The following PITPNA variants were observed in gnomAD, a reference collection of about 807,000 sequenced individuals.
PITPNA encodes the protein phosphatidylinositol transfer protein alpha.
In PITPNA, 13 loss-of-function variants were observed where a neutral mutation model predicts 50.3. The ratio of observed to expected loss-of-function variants is 0.26; its 90% confidence interval spans 0.17 to 0.41. The LOEUF (loss-of-function observed/expected upper bound fraction) is 0.41. Ranked by LOEUF, PITPNA falls within the 10% of genes least tolerant of loss-of-function variation. The pLI is 1.00. For missense variants in PITPNA, 207 were observed against 333.4 expected (o/e 0.62, Z 2.95); for synonymous variants, 120 against 119.6 (o/e 1.00, Z -0.02).
intron 10 of PITPNA, among the ~76,000 whole-genome samples, chr17:1,526,230 C>T: frequency 6.6e-6 from 1 of 152,224 alleles, no homozygotes; most frequent in East Asian, 1.9e-4. Flanking sequence ...CATGCAGAAA[C>T]ATCAACGAAT....
intron 10 of PITPNA, among the ~76,000 whole-genome samples, chr17:1,523,588 A>G (rs1270175123): frequency 6.7e-6 from 1 of 148,290 alleles, no homozygotes; most frequent in East Asian, 2.0e-4. Flanking sequence ...GCTCACTGCA[A>G]TCTCTGCCTC....
intron 1 of PITPNA, chr17:1,561,133 G>GCA (rs142203668): frequency 0.057 from 8,528 of 150,594 alleles, 765 homozygotes; most frequent in African/African-American, 0.19. Flanking sequence ...ACACGCACAC[G>GCA]CACACACACA....
intron 7 of PITPNA, among the ~76,000 whole-genome samples, chr17:1,537,378 T>C (rs1390824025): frequency 2.0e-5 from 3 of 151,858 alleles, no homozygotes; most frequent in Admixed American, 6.6e-5. Flanking sequence ...TTTGTATTTT[T>C]AGTAGAGACG....
chr17:1,558,126 G>C lies in PITPNA; in HGVS notation c.51+403C>G, dbSNP rs140361924. 2.6e-3 allele frequency among the ~76,000 whole-genome samples: 393 copies of C among 152,012 alleles called. 3 individuals carry two copies. The highest frequency in any genetic ancestry group is 6.8e-3 in the Middle Eastern group (2 of 294). The stretch of plus-strand genomic sequence containing the variant: ...CACACCTGTAATCCCGGCTACTTGG[G>C]AGGCTGAGGCAGGAGAATAGCTTGA... On this transcript the variant is annotated intron_variant, in intron 2 of 11. Coordinates refer to ENST00000313486, the MANE Select transcript of PITPNA (RefSeq NM_006224.4).
At chr17:1,549,307 G>A (rs1341650707) in intron 3 of PITPNA, among the ~76,000 whole-genome samples, 1 of 150,400 alleles carries the variant, frequency 6.6e-6, no homozygotes, top group African/African-American at 2.4e-5. Context: ...GACGGAGTAG[G>A]AAAACATTTA....
At chr17:1,532,929 G>A (rs1376563064) in intron 10 of PITPNA, among the ~76,000 whole-genome samples, 1 of 152,242 alleles carries the variant, frequency 6.6e-6, no homozygotes, top group Non-Finnish European at 1.5e-5. Context: ...ATTCTGGATG[G>A]TAAAAACAGT....
Position 1,538,922 on chromosome 17 carries a change from G to A in PITPNA, c.403C>T (p.His135Tyr). 6.2e-7 allele frequency: 1 copy of A among 1,613,716 alleles called. No homozygotes were observed. Among genetic ancestry groups the A allele is most frequent in the East Asian group, 2.2e-5 (1 of 44,886 alleles). Residue 135 changes from histidine to tyrosine, a missense_variant, in exon 7 of 12, where the codon CAC becomes TAC. His to Tyr is a moderately conservative substitution (Grantham distance 83). Transcript: ENST00000313486. ...ATGTCTATATATACGGCTTCCACGTGTTTCCACGCCTCAGGCTCCAGCTTA... is the reference window on the plus strand; with the variant it reads ...ATGTCTATATATACGGCTTCCACGTATTTCCACGCCTCAGGCTCCAGCTTA... ...VHKLEPEAWK[H>Y]VEAVYIDIAD...
At chr17:1,543,304 G>A in intron 4 of PITPNA, among the ~76,000 whole-genome samples, 1 of 152,132 alleles carries the variant, frequency 6.6e-6, no homozygotes, top group South Asian at 2.1e-4. Context: ...GCAGGGCACT[G>A]ACAGGGACCA....
chr17:1,554,331 TC>T (rs2075724325), intron 2 of PITPNA, among the ~76,000 whole-genome samples: 2 of 151,314 alleles, frequency 1.3e-5, no homozygotes, highest in Non-Finnish European at 2.9e-5. Flanking sequence ...ACAAAGGGTT[TC>T]CTCGAGCTCT....
At chr17:1,557,721 A>G (rs1466191604) in intron 2 of PITPNA, among the ~76,000 whole-genome samples, 1 of 152,166 alleles carries the variant, frequency 6.6e-6, no homozygotes, top group Non-Finnish European at 1.5e-5. Flanking sequence ...AGGAACCGTA[A>G]AAGGACAGAG....
At position 1,562,472 on chromosome 17, in the gene PITPNA, G is replaced by T. The variant is rs940161911; in HGVS notation, c.20+69C>A. 6.9e-6 allele frequency: 9 copies of T among 1,296,666 alleles called. No individual in the cohort carries two copies. In the African/African-American group the frequency reaches 1.2e-4, roughly 18 times the overall value. 80.3% of individuals were successfully genotyped at this position (1,296,666 alleles called of 1,614,324 possible). On this transcript the variant is annotated intron_variant, in intron 1 of 11. Coordinates refer to ENST00000313486, the MANE Select transcript of PITPNA (RefSeq NM_006224.4). This position sits in a 1 kb window ranked among gnomAD's most constrained non-coding sequence, Gnocchi z 6.4. ...CCATCCGGGCCCTGCGTCCCTCGCC[G>T]CGCCGTCGCCCCGGCGGCCGTCCCC...
intron 1 of PITPNA, chr17:1,559,621 G>C (rs559695777): frequency 1.4e-4 from 28 of 203,322 alleles, no homozygotes; most frequent in East Asian, 7.4e-4. Flanking sequence ...GGAAGCATGA[G>C]CTGCTGTGCC....
chr17:1,531,737 C>T (rs1165733392), intron 10 of PITPNA, among the ~76,000 whole-genome samples: 1 of 151,860 alleles, frequency 6.6e-6, no homozygotes, highest in Non-Finnish European at 1.5e-5. Context: ...ACAAAAGCAA[C>T]AACCATCGGA....
chr17:1,550,217 T>G (rs1190558975), intron 3 of PITPNA, among the ~76,000 whole-genome samples: 1 of 152,090 alleles, frequency 6.6e-6, no homozygotes, highest in Non-Finnish European at 1.5e-5. Context: ...TCAAGGAGTT[T>G]CCGGTCTACT....
In PITPNA at chr17:1,536,139, A is replaced by G. The variant is rs529475824; in HGVS notation, c.457-621T>C. On this transcript the variant is annotated intron_variant, in intron 7 of 11. Transcript: ENST00000313486. ...AGTCAATTTCCTGTGTTAATTAACC[A>G]CAACAAAAGTTTAATTTTCAGCTGT... is the stretch of plus-strand genomic sequence containing the variant. 3.3e-5 allele frequency among the ~76,000 whole-genome samples: 5 copies of G among 152,330 alleles called. No individual in the cohort carries two copies. In the East Asian group the frequency reaches 9.6e-4, roughly 29 times the overall value.
chr17:1,546,631 T>G (rs1027488130), intron 4 of PITPNA, among the ~76,000 whole-genome samples: 1 of 152,084 alleles, frequency 6.6e-6, no homozygotes, highest in African/African-American at 2.4e-5. Flanking sequence ...TGGAGGCTGG[T>G]GGGAGGAAAG....
intron 2 of PITPNA, among the ~76,000 whole-genome samples, chr17:1,554,395 T>C (rs1353253280): frequency 2.9e-5 from 4 of 136,824 alleles, no homozygotes; most frequent in Admixed American, 2.8e-4. Context: ...TCTCTATTTT[T>C]TTTTTTTTTT....
At chr17:1,536,616 C>T (rs2075619210) in intron 7 of PITPNA, among the ~76,000 whole-genome samples, 1 of 145,862 alleles carries the variant, frequency 6.9e-6, no homozygotes, top group African/African-American at 2.6e-5. Flanking sequence ...TTTTTTGAGA[C>T]AGCATCTCAC....
intron 4 of PITPNA, among the ~76,000 whole-genome samples, chr17:1,545,882 C>A (rs2075671212): frequency 6.6e-6 from 1 of 150,890 alleles, no homozygotes; most frequent in Non-Finnish European, 1.5e-5. Flanking sequence ...ACCTTTGGCC[C>A]TAGACCAGAC....
Sources: gnomAD v4.1 joint callset for allele counts (sites outside exome capture counted in the v4.1 genomes callset) on GRCh38, gnomAD v4.1.1 for gene constraint, Gnocchi (gnomAD v3.1) non-coding constraint, MANE v1.5 for transcripts, NCBI Gene and HGNC (gene_info 2026-07-23, HGNC 2026-07-21) for gene names.